Variants in CDH3 observed in about 807,000 individuals in gnomAD.
The protein encoded by CDH3 is cadherin 3.
CDH3 carries 54 observed loss-of-function variants against 82.0 expected under a neutral mutation model. The observed-to-expected ratio is 0.66, with a 90% CI of 0.53 to 0.83. The LOEUF (loss-of-function observed/expected upper bound fraction) is 0.83, where lower values mean the gene tolerates loss of function less well. CDH3 is among the 40% of genes least tolerant of loss of function. The probability of loss-of-function intolerance (pLI) is 0.00; values close to 1 mark genes in which losing one functional copy is unlikely to be tolerated. For missense variants in CDH3, 1,054 were observed against 1,084.6 expected, an observed-to-expected ratio of 0.97 and a Z score of 0.40; for synonymous variants, 446 against 437.9, an observed-to-expected ratio of 1.02 and a Z score of -0.23.
chr16:68,687,665 AC>A lies in CDH3; in HGVS notation c.1725del (p.His575GlnfsTer32). The A allele has an allele frequency of 6.2e-7, 1 of 1,613,974 alleles. No individual in the cohort carries two copies. The highest frequency in any genetic ancestry group is 8.5e-7 in the Non-Finnish European group (1 of 1,179,960). On this transcript the variant is annotated frameshift_variant, in exon 12 of 16. Transcript: ENST00000264012. LOFTEE classifies it high-confidence loss of function. ...ATCACGGACAAGGACCTGTCTCCCC[AC>A]ACCTCCCCTTTCCAGGCCCAGCTCA... Reference protein sequence around the residue: ...LNITDKDLSPHTSPFQAQLTD... With the variant: ...LNITDKDLSPXTSPFQAQLTD...
chr16:68,672,302 G>A (rs1597802525), intron 2 of CDH3, among the ~76,000 whole-genome samples: 1 of 150,604 alleles, frequency 6.6e-6, no homozygotes, highest in Admixed American at 6.6e-5. Flanking sequence ...ATAGTTACAT[G>A]TATTATATAG....
At chr16:68,685,955 C>T (rs1403368464) in intron 11 of CDH3, among the ~76,000 whole-genome samples, 1 of 152,176 alleles carries the variant, frequency 6.6e-6, no homozygotes, top group Non-Finnish European at 1.5e-5. Context: ...CACTTGAGCC[C>T]AGGAGTTCAA....
At chr16:68,724,686 C>CA (rs1962200837) in intron 2 of CDH3, among the ~76,000 whole-genome samples, 3 of 151,664 alleles carry the variant, frequency 2.0e-5, no homozygotes, top group African/African-American at 7.3e-5. Context: ...GTTGTCTGGC[C>CA]ACCTCCTGGG....
chr16:68,714,038 A>G (rs1001761861), intron 1 of CDH3, among the ~76,000 whole-genome samples: 2 of 151,842 alleles, frequency 1.3e-5, no homozygotes, highest in African/African-American at 4.8e-5. Flanking sequence ...GGTTCAAGCA[A>G]TCCTCCTGCC....
chr16:68,731,020 CAAAAAAAAAA>C (rs1168041237), downstream of CDH3, among the ~76,000 whole-genome samples: 26 of 34,858 alleles, frequency 7.5e-4, no homozygotes, highest in South Asian at 3.1e-3. Context: ...AACTCCGTCT[CAAAAAAAAAA>C]AAAAAAAAAA....
At chr16:68,653,419 T>G (rs1422345752) in intron 2 of CDH3, among the ~76,000 whole-genome samples, 1 of 151,820 alleles carries the variant, frequency 6.6e-6, no homozygotes, top group East Asian at 1.9e-4. Context: ...ATATTTTTAG[T>G]AGAGATGGGG....
downstream of CDH3, among the ~76,000 whole-genome samples, chr16:68,730,651 C>T (rs1962273302): frequency 6.6e-6 from 1 of 152,110 alleles, no homozygotes; most frequent in Non-Finnish European, 1.5e-5. Flanking sequence ...GGCATGGGAT[C>T]ATGTTTAAAA....
chr16:68,682,115 G>A (rs534328983), intron 8 of CDH3, among the ~76,000 whole-genome samples, 187 bp from the exon 9 acceptor site: 37 of 151,610 alleles, frequency 2.4e-4, no homozygotes, highest in Admixed American at 7.9e-4. Flanking sequence ...GTCTGTGCCA[G>A]CAGCTGTGAG....
intron 1 of CDH3, among the ~76,000 whole-genome samples, chr16:68,705,386 G>A (rs938529756): frequency 2.0e-5 from 3 of 151,790 alleles, no homozygotes; most frequent in Admixed American, 6.6e-5. Context: ...TTATTCATTC[G>A]TTTAACAACT....
rs571492325 is a variant in CDH3 at position 68,676,506 on chromosome 16, G to A, written c.246+36G>A. Reference sequence around the variant, plus strand: ...ATGTCCACCTGCAGGACAAAAGAAAGATGTTCTCTGTGCATGCCCAAATTG... The same window carrying A: ...ATGTCCACCTGCAGGACAAAAGAAAAATGTTCTCTGTGCATGCCCAAATTG... On this transcript the variant is annotated intron_variant, in intron 3 of 15. Transcript: ENST00000264012. The A allele has an allele frequency of 2.3e-4, 347 of 1,528,220 alleles. 3 individuals are homozygous for A. The South Asian group carries it at 3.6e-3, about 16-fold the overall frequency. 94.7% of individuals were successfully genotyped at this position (1,528,220 alleles called of 1,614,324 possible).
At chr16:68,645,880 C>G (rs1438870254) in intron 2 of CDH3, 130 bp downstream of exon 2, 3 of 693,920 alleles carry the variant, frequency 4.3e-6, no homozygotes, top group Non-Finnish European at 4.8e-6. Flanking sequence ...AGGCGCAGAA[C>G]GCGCCTCGGG....
At chr16:68,712,712 C>A (rs1962045923) in intron 1 of CDH3, among the ~76,000 whole-genome samples, 1 of 151,698 alleles carries the variant, frequency 6.6e-6, no homozygotes, top group Admixed American at 6.6e-5. Flanking sequence ...GATGGCGACT[C>A]CCTCTGTCAC....
intron 3 of CDH3, 94 bp downstream of exon 3, chr16:68,676,564 G>A: frequency 1.0e-6 from 1 of 955,976 alleles, no homozygotes; most frequent in Non-Finnish European, 1.7e-6. Flanking sequence ...TGTGGCCATT[G>A]TGAGCCAAGT....
intron 15 of CDH3, among the ~76,000 whole-genome samples, chr16:68,697,729 A>G (rs1355630251): frequency 2.0e-5 from 3 of 152,184 alleles, no homozygotes; most frequent in Non-Finnish European, 4.4e-5. Context: ...GCGAGGTGCT[A>G]TTCTAATAAC....
At chr16:68,714,328 G>T (rs929240747) in intron 1 of CDH3, among the ~76,000 whole-genome samples, 2 of 152,154 alleles carry the variant, frequency 1.3e-5, no homozygotes, top group African/African-American at 4.8e-5. Flanking sequence ...TGAGACCCAG[G>T]CAGGTGCTGA....
At chr16:68,671,314 G>A (rs1436085158) in intron 2 of CDH3, among the ~76,000 whole-genome samples, 1 of 151,286 alleles carries the variant, frequency 6.6e-6, no homozygotes, top group Non-Finnish European at 1.5e-5. Flanking sequence ...CACTTGCTAG[G>A]TTTGCCATAA....
intron 1 of CDH3, among the ~76,000 whole-genome samples, chr16:68,708,226 G>C (rs998920232): frequency 6.6e-6 from 1 of 151,966 alleles, no homozygotes; most frequent in Non-Finnish European, 1.5e-5. Flanking sequence ...TACTCCGGAG[G>C]CTGAAGCAGG....
At chr16:68,688,077 G>T (rs568492977) in intron 12 of CDH3, among the ~76,000 whole-genome samples, 1 of 150,946 alleles carries the variant, frequency 6.6e-6, no homozygotes, top group Non-Finnish European at 1.5e-5. Flanking sequence ...CCTGACTCTC[G>T]CTATGTGACA....
At chr16:68,658,977 T>C (rs553807837) in intron 2 of CDH3, among the ~76,000 whole-genome samples, 1 of 152,296 alleles carries the variant, frequency 6.6e-6, no homozygotes, top group East Asian at 1.9e-4. Context: ...AATTAATACA[T>C]GAAAATATGT....
Sources: allele counts gnomAD v4.1 joint callset (sites outside exome capture counted in the v4.1 genomes callset), GRCh38; gene constraint gnomAD v4.1.1; transcripts MANE v1.5; gene names NCBI Gene and HGNC (gene_info 2026-07-23, HGNC 2026-07-21).